ARAP2: variants seen among roughly 807,000 people sequenced by gnomAD.
ARAP2 encodes arf-GAP with Rho-GAP domain, ANK repeat and PH domain-containing protein 2.
In ARAP2, 148 loss-of-function variants were observed where a neutral mutation model predicts 194.5. The observed-to-expected ratio is 0.76, with a 90% confidence interval of 0.67 to 0.87. The LOEUF (loss-of-function observed/expected upper bound fraction) is 0.87. Among genes scored for constraint, ARAP2 ranks in the 40% least tolerant of loss-of-function variants. The probability of loss-of-function intolerance (pLI) is 0.00; values close to 1 mark genes in which losing one functional copy is unlikely to be tolerated. For missense variants in ARAP2, 2,128 were observed against 1,989.7 expected (o/e 1.07, Z -1.32); for synonymous variants, 695 against 683.5 (o/e 1.02, Z -0.26).
At position 36,236,799 on chromosome 4, in the gene ARAP2, G is replaced by A. The variant is rs73130487; in HGVS notation, c.-159-7154C>T. On this transcript the variant is annotated intron_variant, in intron 1 of 32. Transcript: ENST00000303965. The stretch of plus-strand genomic sequence containing the variant: ...GTCTTAATGACCAACAAATGACTAA[G>A]TGACACCAGTAGACAGAAAAAGTGA... Among the ~76,000 whole-genome samples the A allele has an allele frequency of 5.3e-3, 807 of 152,270 alleles. 5 individuals are homozygous for A. The highest frequency in any genetic ancestry group is 0.018 in the African/African-American group (750 of 41,528).
intron 9 of ARAP2, among the ~76,000 whole-genome samples, chr4:36,168,165 C>T (rs916563820): frequency 2.0e-5 from 3 of 152,082 alleles, no homozygotes; most frequent in African/African-American, 7.2e-5. Flanking sequence ...TAGAAGTGGC[C>T]ATGTGTTGTA....
chr4:36,226,439 T>A (rs1750321995), intron 2 of ARAP2, among the ~76,000 whole-genome samples: 1 of 152,216 alleles, frequency 6.6e-6, no homozygotes, highest in African/African-American at 2.4e-5. Flanking sequence ...ATTAACATCC[T>A]GTCCTCAAGG....
At chr4:36,188,410 G>T (rs1741058356) in intron 7 of ARAP2, among the ~76,000 whole-genome samples, 1 of 152,116 alleles carries the variant, frequency 6.6e-6, no homozygotes, top group Admixed American at 6.6e-5. Context: ...AGAGTACAAA[G>T]ACGGAAAATC....
intron 7 of ARAP2, among the ~76,000 whole-genome samples, chr4:36,192,947 G>C (rs948845732): frequency 1.3e-5 from 2 of 152,188 alleles, no homozygotes; most frequent in African/African-American, 4.8e-5. Flanking sequence ...AGTGAGCCAA[G>C]ATCCTGCCAC....
chr4:36,072,158 T>A (rs1184858631), intron 32 of ARAP2, among the ~76,000 whole-genome samples: 6 of 152,120 alleles, frequency 3.9e-5, no homozygotes, highest in Admixed American at 3.9e-4. Flanking sequence ...ATTATGTTTT[T>A]CCAAAATTAA....
In ARAP2 at chr4:36,180,864, T is replaced by C. The variant is rs144362486; in HGVS notation, c.1679-2859A>G. ...CACGAAGAAGAACAGGAATTAATAG[T>C]AGCATTCAGTTTATTCTGAATTAGC... On this transcript the variant is annotated intron_variant, in intron 8 of 32. Coordinates refer to ENST00000303965, the MANE Select transcript of ARAP2 (RefSeq NM_015230.4). Among the ~76,000 whole-genome samples, 300 of 152,338 alleles carry C rather than the reference T, an allele frequency of 2.0e-3. 1 individual carries two copies. The highest frequency in any genetic ancestry group is 6.9e-3 in the African/African-American group (288 of 41,584).
intron 28 of ARAP2, among the ~76,000 whole-genome samples, chr4:36,086,351 T>C (rs909706560): frequency 1.3e-5 from 2 of 152,092 alleles, no homozygotes; most frequent in African/African-American, 2.4e-5. Context: ...TCTGAGGGAA[T>C]TGACTGCCCA....
chr4:36,039,392 C>A (rs1397142580), intron 5 of ARAP2, among the ~76,000 whole-genome samples: 1 of 152,176 alleles, frequency 6.6e-6, no homozygotes, highest in African/African-American at 2.4e-5. Flanking sequence ...TCAGGCCCAG[C>A]CTGAATACTG....
At chr4:36,074,327 T>C (rs1437505109) in intron 31 of ARAP2, among the ~76,000 whole-genome samples, 2 of 152,134 alleles carry the variant, frequency 1.3e-5, no homozygotes, top group Admixed American at 1.3e-4. Flanking sequence ...CAAAGAAATA[T>C]AATCTTTTTA....
chr4:36,190,094 C>A (rs1741530709), intron 7 of ARAP2, among the ~76,000 whole-genome samples: 1 of 152,200 alleles, frequency 6.6e-6, no homozygotes, highest in Non-Finnish European at 1.5e-5. Context: ...CAAGCCAGTG[C>A]CTTTGCATAC....
At chr4:36,216,556 A>G (rs1336070169) in intron 2 of ARAP2, among the ~76,000 whole-genome samples, 5 of 152,206 alleles carry the variant, frequency 3.3e-5, no homozygotes, top group Non-Finnish European at 5.9e-5. Context: ...CCAGCTATTA[A>G]CAATCCTACC....
intron 26 of ARAP2, among the ~76,000 whole-genome samples, chr4:36,113,308 A>T (rs1720498222): frequency 6.6e-6 from 1 of 151,974 alleles, no homozygotes; most frequent in Non-Finnish European, 1.5e-5. Context: ...ATGTATATTT[A>T]AAAATAACAT....
chr4:36,217,614 A>C (rs974593375), intron 2 of ARAP2, among the ~76,000 whole-genome samples: 2 of 152,098 alleles, frequency 1.3e-5, no homozygotes, highest in Non-Finnish European at 1.5e-5. Flanking sequence ...ATAAATATCA[A>C]TTCCATCCCC....
chr4:36,213,113 T>A (rs372692085), intron 4 of ARAP2, 130 bp downstream of exon 4: 20 of 691,858 alleles, frequency 2.9e-5, no homozygotes, highest in African/African-American at 1.3e-4. Flanking sequence ...ACAAAAATTT[T>A]GCTGACTGGA....
intron 5 of ARAP2, among the ~76,000 whole-genome samples, chr4:36,038,622 AAT>A (rs1281051218): frequency 6.6e-6 from 1 of 152,196 alleles, no homozygotes; most frequent in Admixed American, 6.6e-5. Flanking sequence ...AGCCACTTTG[AAT>A]ATATCTTTTT....
chr4:36,070,214 T>A (rs997133176), intron 32 of ARAP2, among the ~76,000 whole-genome samples: 1 of 152,178 alleles, frequency 6.6e-6, no homozygotes, highest in African/African-American at 2.4e-5. Context: ...AAGTGAACTG[T>A]CAAGAGTTAG....
In ARAP2 at chr4:36,207,350, C is replaced by T. The variant is rs546710582; in HGVS notation, c.1487+3040G>A. Among the ~76,000 whole-genome samples the T allele has an allele frequency of 1.8e-3, 268 of 152,340 alleles. 4 individuals are homozygous for T. The highest frequency in any genetic ancestry group is 0.014 in the Middle Eastern group (4 of 292). On this transcript the variant is annotated intron_variant, in intron 6 of 32. Transcript: ENST00000303965. ...CATCTGCTTTGACCTGTTTGAAATA[C>T]AGCCCCCCAAATTCAACATTTTATT...
chr4:36,139,492 T>C (rs890185900), intron 19 of ARAP2, among the ~76,000 whole-genome samples: 12 of 151,710 alleles, frequency 7.9e-5, no homozygotes, highest in African/African-American at 2.9e-4. Context: ...CAGCTATTTG[T>C]GGCTCAGATT....
downstream of ARAP2, among the ~76,000 whole-genome samples, chr4:36,064,408 C>T (rs1407692096): frequency 3.3e-5 from 5 of 152,082 alleles, no homozygotes; most frequent in African/African-American, 7.2e-5. Context: ...GTGGCCTAGC[C>T]AGAGGCAGGG....
Sources: gnomAD v4.1 joint callset for allele counts (sites outside exome capture counted in the v4.1 genomes callset) on GRCh38, gnomAD v4.1.1 for gene constraint, MANE v1.5 for transcripts, NCBI Gene and HGNC (gene_info 2026-07-23, HGNC 2026-07-21) for gene names.